The following CEP15 variants were observed in gnomAD, a reference collection of about 807,000 sequenced individuals.
The protein encoded by CEP15 is centrosomal protein 15.
the CEP15 span, among the ~76,000 whole-genome samples, chr3:62,332,225 A>C: frequency 2.0e-5 from 3 of 152,152 alleles, no homozygotes; most frequent in Admixed American, 2.0e-4. Flanking sequence ...ATGTCAGGGA[A>C]ACTCCCAACC....
the CEP15 span, among the ~76,000 whole-genome samples, chr3:62,328,584 A>G: frequency 6.6e-6 from 1 of 152,196 alleles, no homozygotes; most frequent in Non-Finnish European, 1.5e-5. Context: ...AGTCTATAAG[A>G]CAAAGAAACA....
At chr3:62,331,268 G>C in the CEP15 span, 1 of 1,460,440 alleles carries the variant, frequency 6.8e-7, no homozygotes, top group South Asian at 1.1e-5. Flanking sequence ...TGCTAGTACA[G>C]GTGCCATTTG....
At chr3:62,331,486 T>C in the CEP15 span, 1 of 1,116,042 alleles carries the variant, frequency 9.0e-7, no homozygotes, top group Non-Finnish European at 1.3e-6. Flanking sequence ...GTTATGTGTA[T>C]TTTCCAGATA....
At chr3:62,329,996 G>T in the CEP15 span, among the ~76,000 whole-genome samples, 3 of 152,114 alleles carry the variant, frequency 2.0e-5, no homozygotes, top group African/African-American at 7.2e-5. Flanking sequence ...AGGCATCTTA[G>T]CTATTAACTT....
chr3:62,330,075 A>G, the CEP15 span, among the ~76,000 whole-genome samples: 6 of 151,900 alleles, frequency 3.9e-5, no homozygotes, highest in African/African-American at 7.3e-5. Context: ...CCTTCAAATC[A>G]CCTTCCTCTA....
chr3:62,328,916 T>C, the CEP15 span, among the ~76,000 whole-genome samples: 1 of 148,340 alleles, frequency 6.7e-6, no homozygotes, highest in Admixed American at 6.7e-5. Flanking sequence ...TTTTTTTTTT[T>C]CAGTCAGGCT....
the CEP15 span, among the ~76,000 whole-genome samples, chr3:62,320,757 C>G: frequency 6.6e-6 from 1 of 152,146 alleles, no homozygotes. Context: ...ATTTGCCCCT[C>G]CTCCCACCCT....
the CEP15 span, chr3:62,333,676 TA>T: frequency 0.033 from 5,969 of 180,814 alleles, 15 homozygotes; most frequent in Middle Eastern, 0.064. The surrounding 1 kb of genome is among the most constrained non-coding windows in gnomAD (Gnocchi z 4.0). Context: ...TGTGTTGCTT[TA>T]AAAAAAAAAA....
the CEP15 span, among the ~76,000 whole-genome samples, chr3:62,331,708 T>G: frequency 6.6e-6 from 1 of 152,152 alleles, no homozygotes; most frequent in Non-Finnish European, 1.5e-5. Flanking sequence ...AATCATGAGA[T>G]GACAACACGC....
the CEP15 span, chr3:62,331,365 A>C: frequency 6.2e-7 from 1 of 1,613,060 alleles, no homozygotes; most frequent in South Asian, 1.1e-5. Context: ...ACCAGGATTC[A>C]CCCACTTCCA....
chr3:62,335,129 TC>T, the CEP15 span: 1 of 152,218 alleles, frequency 6.6e-6, no homozygotes, highest in Non-Finnish European at 1.5e-5. Flanking sequence ...AGCATGCACT[TC>T]CTTTGAGATC....
At chr3:62,330,606 C>T in the CEP15 span, among the ~76,000 whole-genome samples, 1 of 152,036 alleles carries the variant, frequency 6.6e-6, no homozygotes, top group Non-Finnish European at 1.5e-5. Flanking sequence ...AGAAAATACA[C>T]ATATGTACAA....
chr3:62,333,861 GC>G, the CEP15 span: 1 of 151,512 alleles, frequency 6.6e-6, no homozygotes, highest in East Asian at 1.9e-4. The surrounding 1 kb of genome is among the most constrained non-coding windows in gnomAD (Gnocchi z 4.0). Flanking sequence ...AACTGCTCTA[GC>G]AAAATAACTT....
chr3:62,331,357 C>G, the CEP15 span: 1 of 1,612,860 alleles, frequency 6.2e-7, no homozygotes, highest in Non-Finnish European at 8.5e-7. Flanking sequence ...CACTACAGAC[C>G]AGGATTCACC....
chr3:62,335,431 G>C, the CEP15 span: 2 of 130,632 alleles, frequency 1.5e-5, no homozygotes, highest in Non-Finnish European at 3.2e-5. Flanking sequence ...CTTGTAGACT[G>C]TAACAGATTG....
At chr3:62,333,325 A>C in the CEP15 span, 1 of 1,611,946 alleles carries the variant, frequency 6.2e-7, no homozygotes, top group Non-Finnish European at 8.5e-7. The surrounding 1 kb of genome is among the most constrained non-coding windows in gnomAD (Gnocchi z 4.0). Context: ...AGAGCACCAT[A>C]TCCTTTTGCT....
chr3:62,326,488 T>C, the CEP15 span, among the ~76,000 whole-genome samples: 2 of 152,162 alleles, frequency 1.3e-5, no homozygotes, highest in Non-Finnish European at 2.9e-5. Flanking sequence ...GTGGCATGTA[T>C]AGGGATGGGA....
the CEP15 span, chr3:62,322,635 G>C: frequency 2.6e-5 from 4 of 152,108 alleles, no homozygotes; most frequent in African/African-American, 9.7e-5. This position sits in a 1 kb window ranked among gnomAD's most constrained non-coding sequence, Gnocchi z 5.5. Context: ...TAACATTTTT[G>C]GCTGCTTGTT....
chr3:62,328,597 G>A, the CEP15 span, among the ~76,000 whole-genome samples: 1 of 152,168 alleles, frequency 6.6e-6, no homozygotes, highest in Non-Finnish European at 1.5e-5. Context: ...AAGAAACAAA[G>A]TATAGTCAAG....
Sources: allele counts gnomAD v4.1 joint callset (sites outside exome capture counted in the v4.1 genomes callset), GRCh38; gene constraint gnomAD v4.1.1; non-coding constraint Gnocchi (gnomAD v3.1); transcripts MANE v1.5; gene names NCBI Gene and HGNC (gene_info 2026-07-23, HGNC 2026-07-21).